ARHGAP6: variants seen among roughly 807,000 people sequenced by gnomAD.
ARHGAP6 encodes rho GTPase-activating protein 6.
A neutral mutation model predicts 55.7 loss-of-function variants in ARHGAP6; 16 were observed. The ratio of observed to expected loss-of-function variants is 0.29; its 90% CI spans 0.19 to 0.44. ARHGAP6 has a LOEUF of 0.44. ARHGAP6 is among the 20% of genes least tolerant of loss of function. ARHGAP6 has a pLI of 1.00. For missense variants in ARHGAP6, 698 were observed against 808.9 expected (o/e 0.86, Z 1.66); for synonymous variants, 382 against 360.9 (o/e 1.06, Z -0.66).
intron 1 of ARHGAP6, among the ~76,000 whole-genome samples, chrX:11,399,623 G>T (rs1042173738): frequency 8.9e-6 from 1 of 111,747 alleles, no homozygotes; most frequent in African/African-American, 3.3e-5. Flanking sequence ...TTACATCACT[G>T]GTGGGAATGT....
chrX:11,466,782 G>T (rs1436163679), intron 1 of ARHGAP6, among the ~76,000 whole-genome samples: 1 of 111,784 alleles, frequency 8.9e-6, no homozygotes, highest in South Asian at 3.7e-4. Flanking sequence ...GATATTACAG[G>T]CATGAGCCAC....
At chrX:11,327,047 C>T (rs2048508314) in intron 1 of ARHGAP6, among the ~76,000 whole-genome samples, 1 of 111,483 alleles carries the variant, frequency 9.0e-6, no homozygotes, top group South Asian at 3.8e-4. Flanking sequence ...GGGAGTAGCA[C>T]TGTATAAGTT....
chrX:11,631,339 A>G (rs2052359021), intron 1 of ARHGAP6, among the ~76,000 whole-genome samples: 1 of 110,505 alleles, frequency 9.0e-6, no homozygotes. Flanking sequence ...AGCCTGGCCA[A>G]CATGGTGAAA....
chrX:11,235,126 T>TGCA (rs771800717), intron 2 of ARHGAP6, among the ~76,000 whole-genome samples: 37 of 113,136 alleles, frequency 3.3e-4, no homozygotes, highest in South Asian at 1.4e-3. Context: ...GCTATGCCCC[T>TGCA]GCAGCAGACT....
At chrX:11,480,250 C>T (rs2050442956) in intron 1 of ARHGAP6, among the ~76,000 whole-genome samples, 2 of 111,020 alleles carry the variant, frequency 1.8e-5, no homozygotes, top group African/African-American at 6.6e-5. Context: ...GTATGTTATT[C>T]GGCAACAAAA....
chrX:11,451,357 T>C (rs778790700), intron 1 of ARHGAP6, among the ~76,000 whole-genome samples: 1 of 110,986 alleles, frequency 9.0e-6, no homozygotes, highest in Non-Finnish European at 1.9e-5. Flanking sequence ...AAAGCCGGAG[T>C]ATATTTTCTG....
In ARHGAP6 at chrX:11,341,436, C is replaced by T. The variant is rs947845771; in HGVS notation, c.589-86729G>A. 2.7e-5 allele frequency among the ~76,000 whole-genome samples: 3 copies of T among 111,498 alleles called. No individual in the cohort carries two copies. In the Admixed American group the frequency reaches 2.8e-4, roughly 11 times the overall value. On this transcript the variant is annotated intron_variant, in intron 1 of 12. Transcript: ENST00000337414. Reference sequence around the variant, plus strand: ...ATAAAGATGTGAAAGATAAATAATACAAGAAAAAGCACAGTAGTAAAATAA... The same window carrying T: ...ATAAAGATGTGAAAGATAAATAATATAAGAAAAAGCACAGTAGTAAAATAA...
chrX:11,190,251 G>T (rs2046436239), intron 3 of ARHGAP6, among the ~76,000 whole-genome samples: 1 of 110,959 alleles, frequency 9.0e-6, no homozygotes, highest in Non-Finnish European at 1.9e-5. Flanking sequence ...TTAGTATTTC[G>T]GGATTTTCAG....
intron 1 of ARHGAP6, among the ~76,000 whole-genome samples, chrX:11,256,546 T>G (rs1305269180): frequency 8.9e-6 from 1 of 111,937 alleles, no homozygotes; most frequent in Non-Finnish European, 1.9e-5. Context: ...TTCTTTGATA[T>G]TTTCCCTCTT....
chrX:11,356,173 A>G (rs5935027), intron 1 of ARHGAP6, among the ~76,000 whole-genome samples: 6,682 of 110,458 alleles, frequency 0.06, 224 homozygotes, highest in African/African-American at 0.13. Flanking sequence ...AACTAGTTTG[A>G]CACACCACAT....
At chrX:11,161,283 A>G (rs1465479467) in intron 9 of ARHGAP6, among the ~76,000 whole-genome samples, 1 of 112,433 alleles carries the variant, frequency 8.9e-6, no homozygotes. Flanking sequence ...TTATTTCTCT[A>G]TTAATTTAGG....
At chrX:11,266,632 A>G (rs1158805365) in intron 1 of ARHGAP6, among the ~76,000 whole-genome samples, 7 of 111,070 alleles carry the variant, frequency 6.3e-5, no homozygotes, top group Non-Finnish European at 1.3e-4. Flanking sequence ...AAGAGCAGAG[A>G]GAAAAGGGAA....
intron 1 of ARHGAP6, among the ~76,000 whole-genome samples, chrX:11,451,025 C>T (rs1408015779): frequency 1.8e-5 from 2 of 111,372 alleles, no homozygotes; most frequent in Non-Finnish European, 3.8e-5. Flanking sequence ...CATTCCCATT[C>T]GTGGATCTGG....
chrX:11,249,732 T>C (rs2047398678), intron 2 of ARHGAP6, among the ~76,000 whole-genome samples: 1 of 112,491 alleles, frequency 8.9e-6, no homozygotes, highest in African/African-American at 3.2e-5. Context: ...AATAAAGTTT[T>C]ATGCAATAGA....
chrX:11,602,085 T>C (rs1347958767), intron 1 of ARHGAP6, among the ~76,000 whole-genome samples: 1 of 111,490 alleles, frequency 9.0e-6, no homozygotes, highest in African/African-American at 3.3e-5. Context: ...GATATTTATA[T>C]CATAACTGTG....
intron 1 of ARHGAP6, among the ~76,000 whole-genome samples, chrX:11,281,416 A>C (rs1603012197): frequency 9.2e-6 from 1 of 109,287 alleles, no homozygotes; most frequent in Admixed American, 9.8e-5. Context: ...ACCAAAATAT[A>C]TATATTAATA....
At chrX:11,423,692 A>G (rs759066842) in intron 1 of ARHGAP6, among the ~76,000 whole-genome samples, 1 of 112,955 alleles carries the variant, frequency 8.9e-6, no homozygotes, top group South Asian at 3.7e-4. Flanking sequence ...GCACTCTGCT[A>G]GGTGTCCAGG....
chrX:11,595,211 A>G (rs1460587751), intron 1 of ARHGAP6, among the ~76,000 whole-genome samples: 1 of 108,105 alleles, frequency 9.3e-6, no homozygotes, highest in Non-Finnish European at 1.9e-5. Context: ...AATCGCTTGA[A>G]CCCAGGAGGC....
In ARHGAP6 at chrX:11,501,791, A is replaced by T. The variant is rs1406974413; in HGVS notation, c.588+162450T>A. Among the ~76,000 whole-genome samples the T allele has an allele frequency of 4.5e-5, 5 of 111,855 alleles. No individual in the cohort carries two copies. In the Admixed American group the frequency reaches 4.7e-4, roughly 11 times the overall value. ...TTTACTATTCATTAAGTAGGAGTGG[A>T]TAGTCATAAAGGTCTTCATCCTCAT... On this transcript the variant is annotated intron_variant, in intron 1 of 12. Transcript: ENST00000337414.
Sources: gnomAD v4.1 joint callset for allele counts (sites outside exome capture counted in the v4.1 genomes callset) on GRCh38, gnomAD v4.1.1 for gene constraint, MANE v1.5 for transcripts, NCBI Gene and HGNC (gene_info 2026-07-23, HGNC 2026-07-21) for gene names.